PDE4DIP: variants seen among roughly 807,000 people sequenced by gnomAD.
The protein encoded by PDE4DIP is myomegalin.
A neutral mutation model predicts 221.4 loss-of-function variants in PDE4DIP; 59 were observed. That is an observed-to-expected ratio of 0.27 (90% CI 0.22 to 0.33). The LOEUF is 0.33. PDE4DIP is among the 10% of genes least tolerant of loss of function. The pLI, the probability that PDE4DIP is intolerant of heterozygous loss-of-function variation, is 1.00. For missense variants in PDE4DIP, 1,036 were observed against 2,154.2 expected (o/e 0.48, Z 10.28); for synonymous variants, 404 against 815.9 (o/e 0.50, Z 8.60).
chr1:148,889,225 C>A (rs1191821349), upstream of PDE4DIP, among the ~76,000 whole-genome samples: 1 of 151,508 alleles, frequency 6.6e-6, no homozygotes, highest in Non-Finnish European at 1.5e-5. Context: ...TTGCTTCTGG[C>A]CACACTCCTT....
At chr1:148,934,684 A>T (rs2048805432) in intron 4 of PDE4DIP, among the ~76,000 whole-genome samples, 2 of 151,816 alleles carry the variant, frequency 1.3e-5, no homozygotes, top group African/African-American at 4.8e-5. Context: ...GCTCACTGCA[A>T]CCTCTGCCTC....
chr1:148,821,033 A>G (rs1267834581), intron 1 of PDE4DIP, among the ~76,000 whole-genome samples: 4 of 150,072 alleles, frequency 2.7e-5, no homozygotes, highest in African/African-American at 7.5e-5. Context: ...TCGTATTTTC[A>G]GTAGAGACGG....
chr1:148,930,727 C>T (rs1245512696), intron 2 of PDE4DIP: 2 of 149,582 alleles, frequency 1.3e-5, no homozygotes, highest in African/African-American at 4.9e-5. Context: ...GAAAAACATT[C>T]CATGCTCATG....
chr1:148,827,485 A>G (rs1194456042), intron 1 of PDE4DIP, among the ~76,000 whole-genome samples: 2 of 90,594 alleles, frequency 2.2e-5, no homozygotes, highest in Non-Finnish European at 5.0e-5. Context: ...CGATCTCCTG[A>G]CCTTGTGATC....
rs1699814 is a variant in PDE4DIP, at chr1:149,022,021, T to C, written c.6085+868T>C. 7.2e-3 allele frequency among the ~76,000 whole-genome samples: 999 copies of C among 139,648 alleles called. 23 individuals are homozygous for C. The East Asian group carries it at 0.095, about 13-fold the overall frequency. 91.6% of individuals were successfully genotyped at this position (139,648 alleles called of 152,430 possible). A position where few individuals can be genotyped will look rare whatever the true frequency, so the allele number is the denominator to read the frequency against. On this transcript the variant is annotated intron_variant, in intron 37 of 43. Transcript: ENST00000369354. ...AAGATAAAAAGCAAAATCCTGAGCTTGATTAAAAATATCAGTGGTAGAAAT... is the reference window on the plus strand; with the variant it reads ...AAGATAAAAAGCAAAATCCTGAGCTCGATTAAAAATATCAGTGGTAGAAAT...
intron 21 of PDE4DIP, chr1:148,984,990 G>T (rs2061666103): frequency 6.6e-6 from 1 of 152,188 alleles, no homozygotes; most frequent in Non-Finnish European, 1.5e-5. Context: ...TCAGTATCCT[G>T]CAAGGAAAGG....
exon 44 of PDE4DIP, chr1:149,032,249 C>G (rs587750787): frequency 6.5e-6 from 4 of 613,860 alleles, no homozygotes; most frequent in African/African-American, 5.5e-5. Context: ...GAAAAAGATG[C>G]GTAGTTTGCA....
At chr1:149,029,638 C>A in intron 41 of PDE4DIP, 149 bp from the exon 45 acceptor site, 1 of 685,782 alleles carries the variant, frequency 1.5e-6, no homozygotes, top group Non-Finnish European at 2.5e-6. Context: ...CTGTCCTCAG[C>A]TGGAGGTATC....
At chr1:148,944,233 G>A (rs1184087391) in intron 5 of PDE4DIP, among the ~76,000 whole-genome samples, 2 of 152,216 alleles carry the variant, frequency 1.3e-5, no homozygotes, top group African/African-American at 2.4e-5. Context: ...CAGCTTGGAG[G>A]AAATACTTGA....
chr1:149,002,538 A>T (rs2065906722), intron 24 of PDE4DIP, among the ~76,000 whole-genome samples: 1 of 151,310 alleles, frequency 6.6e-6, no homozygotes, highest in African/African-American at 2.4e-5. Context: ...GAATACAGGG[A>T]TTCTGAGAGA....
chr1:149,028,156 T>A (rs1575652660), intron 40 of PDE4DIP, among the ~76,000 whole-genome samples: 1 of 151,932 alleles, frequency 6.6e-6, no homozygotes, highest in South Asian at 2.1e-4. Flanking sequence ...CATGGATGCG[T>A]AGGGACAGCC....
At chr1:148,937,438 T>G (rs1361396923) in intron 4 of PDE4DIP, among the ~76,000 whole-genome samples, 3 of 152,148 alleles carry the variant, frequency 2.0e-5, no homozygotes, top group Non-Finnish European at 2.9e-5. Context: ...GAACAGCCAC[T>G]ACCACCACCA....
At chr1:148,970,084 A>G (rs1159967367) in intron 14 of PDE4DIP, among the ~76,000 whole-genome samples, 45 of 151,686 alleles carry the variant, frequency 3.0e-4, no homozygotes, top group African/African-American at 1.0e-3. Context: ...CTTGTGCTGC[A>G]TTTCAGATAC....
At chr1:149,032,388 A>T (rs1321562941) in exon 44 of PDE4DIP, 25 of 480,902 alleles carry the variant, frequency 5.2e-5, no homozygotes, top group East Asian at 2.9e-4. Context: ...TTCCGATGAA[A>T]GGGGCACGTG....
At chr1:148,970,768 T>C (rs1357936781) in intron 14 of PDE4DIP, among the ~76,000 whole-genome samples, 4 of 151,830 alleles carry the variant, frequency 2.6e-5, no homozygotes, top group African/African-American at 9.7e-5. Flanking sequence ...TTGTATATTA[T>C]TTATTATGTT....
At chr1:148,971,094 A>G (rs1268895835) in intron 14 of PDE4DIP, among the ~76,000 whole-genome samples, 1 of 152,164 alleles carries the variant, frequency 6.6e-6, no homozygotes, top group Non-Finnish European at 1.5e-5. Context: ...AATGTTCTAG[A>G]TCTTTCCCTT....
chr1:148,997,999 T>C (rs1299197803), intron 22 of PDE4DIP, 144 bp from the exon 26 acceptor site: 7 of 510,352 alleles, frequency 1.4e-5, no homozygotes, highest in Non-Finnish European at 2.1e-5. Flanking sequence ...TATGCCTGAC[T>C]AAGGAGGTTC....
At chr1:148,859,450 G>A (rs587663068) in intron 1 of PDE4DIP, among the ~76,000 whole-genome samples, 769 of 151,572 alleles carry the variant, frequency 5.1e-3, no homozygotes, top group Middle Eastern at 0.045. Flanking sequence ...TAATGTCCTG[G>A]TGAGAATATT....
At chr1:148,944,909 G>A (rs1227494857) in intron 5 of PDE4DIP, among the ~76,000 whole-genome samples, 17 of 151,068 alleles carry the variant, frequency 1.1e-4, no homozygotes, top group African/African-American at 3.9e-4. Flanking sequence ...GAAGTCATTG[G>A]AGGGTAAGGA....
Sources: allele counts gnomAD v4.1 joint callset (sites outside exome capture counted in the v4.1 genomes callset), GRCh38; gene constraint gnomAD v4.1.1; transcripts MANE v1.5; gene names NCBI Gene and HGNC (gene_info 2026-07-23, HGNC 2026-07-21).